The following RAI1 variants were observed in gnomAD, a reference collection of about 807,000 sequenced individuals.
The protein encoded by RAI1 is retinoic acid induced 1.
In RAI1, 9 loss-of-function variants were observed where a neutral mutation model predicts 123.8. The ratio of observed to expected loss-of-function variants is 0.07; its 90% CI spans 0.04 to 0.13. The LOEUF (loss-of-function observed/expected upper bound fraction) is 0.13, where lower values mean the gene tolerates loss of function less well. Among genes scored for constraint, RAI1 ranks in the 10% least tolerant of loss-of-function variants. The pLI is 1.00. For synonymous variants in RAI1, 1,231 were observed against 1,127.3 expected (o/e 1.09, Z -1.84); for missense variants, 2,256 against 2,545.8 (o/e 0.89, Z 2.45).
chr17:17,777,263 C>T (rs2031380179), intron 2 of RAI1: 1 of 152,146 alleles, frequency 6.6e-6, no homozygotes, highest in South Asian at 2.1e-4. Flanking sequence ...CTCCCATCCC[C>T]AACTAGATTG....
At chr17:17,775,745 C>T (rs912476379) in intron 2 of RAI1, among the ~76,000 whole-genome samples, 15 of 152,024 alleles carry the variant, frequency 9.9e-5, no homozygotes, top group African/African-American at 3.6e-4. Context: ...GTCTTGCTGT[C>T]TCGGGTGGTG....
intron 4 of RAI1, among the ~76,000 whole-genome samples, chr17:17,805,729 AC>A (rs1318427442): frequency 2.6e-5 from 4 of 152,188 alleles, no homozygotes; most frequent in Non-Finnish European, 4.4e-5. Context: ...TGGAGCAGGG[AC>A]GTGGAGGATT....
intron 1 of RAI1, among the ~76,000 whole-genome samples, chr17:17,703,283 C>T (rs980455221): frequency 6.6e-6 from 1 of 152,294 alleles, no homozygotes; most frequent in South Asian, 2.1e-4. Flanking sequence ...CCCCTACTGC[C>T]CCGCTGGGAG....
At chr17:17,747,309 C>G (rs1203866174) in intron 2 of RAI1, among the ~76,000 whole-genome samples, 1 of 152,236 alleles carries the variant, frequency 6.6e-6, no homozygotes, top group Non-Finnish European at 1.5e-5. Flanking sequence ...CCTTCTCCAG[C>G]CAGCCCTGAG....
chr17:17,781,705 C>T (rs569113297), intron 2 of RAI1, among the ~76,000 whole-genome samples: 62 of 152,332 alleles, frequency 4.1e-4, no homozygotes, highest in Non-Finnish European at 8.1e-4. Flanking sequence ...TCCCCTGGCG[C>T]GGTCGCAGGC....
chr17:17,789,593 G>A (rs765001055), intron 2 of RAI1, among the ~76,000 whole-genome samples: 4 of 152,180 alleles, frequency 2.6e-5, no homozygotes, highest in Non-Finnish European at 5.9e-5. Context: ...GATGCCCTGG[G>A]TGCTATGTGA....
intron 1 of RAI1, among the ~76,000 whole-genome samples, chr17:17,699,812 C>T (rs1250518490): frequency 1.3e-5 from 2 of 152,184 alleles, no homozygotes; most frequent in African/African-American, 4.8e-5. Context: ...CGGTCCCATC[C>T]CCCACCACTC....
intron 2 of RAI1, among the ~76,000 whole-genome samples, chr17:17,740,795 G>A (rs1248325239): frequency 6.6e-6 from 1 of 152,182 alleles, no homozygotes; most frequent in East Asian, 1.9e-4. Context: ...GCAAGCCCCA[G>A]GACAGATCCC....
At chr17:17,806,208 AC>A (rs1219180212) in intron 4 of RAI1, among the ~76,000 whole-genome samples, 2 of 152,234 alleles carry the variant, frequency 1.3e-5, no homozygotes, top group African/African-American at 4.8e-5. Context: ...GGAGGAGGTG[AC>A]ATTTAAGCCA....
intron 3 of RAI1, among the ~76,000 whole-genome samples, chr17:17,802,638 T>C (rs1238395511): frequency 1.3e-5 from 2 of 151,978 alleles, no homozygotes; most frequent in African/African-American, 4.8e-5. Flanking sequence ...TAGCCTGGCG[T>C]GGTGGCGGGC....
chr17:17,777,680 G>A (rs1170724455), intron 2 of RAI1: 1 of 152,282 alleles, frequency 6.6e-6, no homozygotes, highest in Non-Finnish European at 1.5e-5. Flanking sequence ...GGGAAGGGAA[G>A]AGCAATGTGG....
chr17:17,717,815 T>C (rs1915758452), intron 1 of RAI1, among the ~76,000 whole-genome samples: 1 of 152,122 alleles, frequency 6.6e-6, no homozygotes, highest in Non-Finnish European at 1.5e-5. Context: ...GGAGGCCCAG[T>C]CACACGCCTG....
chr17:17,757,602 C>T (rs774456586), intron 2 of RAI1, among the ~76,000 whole-genome samples: 5 of 151,822 alleles, frequency 3.3e-5, no homozygotes, highest in African/African-American at 4.9e-5. Context: ...CGCCTCTTCT[C>T]GGAGGATTTT....
chr17:17,802,525 C>G (rs1014294298), intron 3 of RAI1, among the ~76,000 whole-genome samples: 1 of 152,170 alleles, frequency 6.6e-6, no homozygotes. Context: ...GCCTGTAATC[C>G]CAGCACTTTG....
At chr17:17,693,204 C>G (rs1428658730) in intron 1 of RAI1, among the ~76,000 whole-genome samples, 2 of 152,192 alleles carry the variant, frequency 1.3e-5, no homozygotes, top group Non-Finnish European at 2.9e-5. Flanking sequence ...ATCACAGTGC[C>G]TGGGATACCT....
intron 2 of RAI1, among the ~76,000 whole-genome samples, chr17:17,740,092 C>T (rs1598046434): frequency 6.6e-6 from 1 of 152,206 alleles, no homozygotes; most frequent in East Asian, 1.9e-4. Flanking sequence ...CATCAGCATC[C>T]ATTGAAGGGG....
chr17:17,711,972 C>G (rs1015911755), intron 1 of RAI1, among the ~76,000 whole-genome samples: 6 of 152,230 alleles, frequency 3.9e-5, no homozygotes, highest in African/African-American at 1.4e-4. Context: ...TATGTGTTTT[C>G]AAGAGAAGCT....
intron 1 of RAI1, among the ~76,000 whole-genome samples, chr17:17,713,839 G>T (rs1029732324): frequency 6.6e-6 from 1 of 152,118 alleles, no homozygotes; most frequent in African/African-American, 2.4e-5. Flanking sequence ...ACTTGGAGGG[G>T]CTCAGCCTCT....
intron 1 of RAI1, among the ~76,000 whole-genome samples, chr17:17,717,869 C>G (rs1013712000): frequency 1.3e-5 from 2 of 152,176 alleles, no homozygotes; most frequent in Admixed American, 6.5e-5. Context: ...AGTGAAGGGT[C>G]CACAGCAGGG....
Sources: gnomAD v4.1 joint callset for allele counts (sites outside exome capture counted in the v4.1 genomes callset) on GRCh38, gnomAD v4.1.1 for gene constraint, MANE v1.5 for transcripts, NCBI Gene and HGNC (gene_info 2026-07-23, HGNC 2026-07-21) for gene names.